The following LGSN variants were observed in gnomAD, a reference collection of about 807,000 sequenced individuals.
The protein encoded by LGSN is lengsin.
LGSN carries 21 observed loss-of-function variants against 19.5 expected under a neutral mutation model. That is an observed-to-expected ratio of 1.07 (90% CI 0.76 to 1.55). LGSN has a LOEUF of 1.55. Among genes scored for constraint, LGSN ranks in the 40% most tolerant of loss-of-function variants. LGSN has a pLI of 0.00. For missense variants in LGSN, 673 were observed against 608.5 expected (o/e 1.11, Z -1.12); for synonymous variants, 257 against 215.6 (o/e 1.19, Z -1.68).
At chr6:63,406,061 C>G in the LGSN span, among the ~76,000 whole-genome samples, 1 of 152,130 alleles carries the variant, frequency 6.6e-6, no homozygotes, top group Non-Finnish European at 1.5e-5. Flanking sequence ...GACTTAGACT[C>G]CCACACAATA....
chr6:63,536,161 G>A, the LGSN span, among the ~76,000 whole-genome samples: 6 of 152,144 alleles, frequency 3.9e-5, no homozygotes, highest in African/African-American at 7.2e-5. Flanking sequence ...ATGAAACCAC[G>A]TCTCTACCAA....
chr6:63,552,022 T>G, the LGSN span, among the ~76,000 whole-genome samples: 2 of 152,354 alleles, frequency 1.3e-5, no homozygotes, highest in Non-Finnish European at 2.9e-5. Context: ...TGTGTCTTTA[T>G]AGCAGCATGA....
chr6:63,468,210 A>C, the LGSN span, among the ~76,000 whole-genome samples: 1 of 151,962 alleles, frequency 6.6e-6, no homozygotes, highest in South Asian at 2.1e-4. Flanking sequence ...GGCTTACTGC[A>C]ACCTCCCTCC....
chr6:63,299,311 G>A (rs1320877724), intron 1 of LGSN, among the ~76,000 whole-genome samples: 1 of 152,154 alleles, frequency 6.6e-6, no homozygotes, highest in Non-Finnish European at 1.5e-5. Context: ...AGAGAGGAAA[G>A]ACTAAGTTAC....
In LGSN at chr6:63,280,827, C is replaced by G; in HGVS notation, c.724G>C (p.Glu242Gln). 1 of 1,614,032 alleles carries G rather than the reference C, an allele frequency of 6.2e-7. No individual in the cohort carries two copies. ...LNNHDQPFMQ[E>Q]LVDGLYHTGA... The stretch of plus-strand genomic sequence containing the variant: ...GTGTGATACAAGCCATCAACAAGTT[C>G]CTGCATGAAGGGCTGATCATGGTTA... The change falls in exon 4 of 4, where the codon GAA becomes CAA. Residue 242 changes from glutamate (E) to glutamine (Q), a missense_variant. By Grantham distance (29) the Glu-to-Gln change is conservative. Coordinates refer to ENST00000370657, the MANE Select transcript of LGSN (RefSeq NM_016571.3).
intron 1 of LGSN, among the ~76,000 whole-genome samples, chr6:63,306,142 C>CA (rs1190793575): frequency 6.6e-6 from 1 of 152,068 alleles, no homozygotes; most frequent in Admixed American, 6.5e-5. Flanking sequence ...CATATCCAGA[C>CA]AATATTTTAT....
At chr6:63,426,699 G>C in the LGSN span, among the ~76,000 whole-genome samples, 5 of 152,058 alleles carry the variant, frequency 3.3e-5, no homozygotes, top group African/African-American at 9.7e-5. Context: ...TATTTCAGTA[G>C]AGACAGGATT....
the LGSN span, among the ~76,000 whole-genome samples, chr6:63,490,228 A>G: frequency 2.0e-5 from 3 of 152,222 alleles, no homozygotes; most frequent in South Asian, 2.1e-4. Flanking sequence ...TGACAATTGT[A>G]TCTCTTCCTG....
At chr6:63,411,809 T>C in the LGSN span, among the ~76,000 whole-genome samples, 7 of 152,192 alleles carry the variant, frequency 4.6e-5, no homozygotes, top group Admixed American at 2.6e-4. Flanking sequence ...ATGGTCCCCC[T>C]GCACTCCAGC....
chr6:63,292,630 T>C (rs1299195553), intron 2 of LGSN, among the ~76,000 whole-genome samples: 1 of 152,184 alleles, frequency 6.6e-6, no homozygotes, highest in East Asian at 1.9e-4. Flanking sequence ...ACACCAAGAC[T>C]CAAGTGAGCT....
At chr6:63,369,281 G>A in the LGSN span, among the ~76,000 whole-genome samples, 5 of 152,260 alleles carry the variant, frequency 3.3e-5, no homozygotes, top group South Asian at 2.1e-4. Context: ...AAATATACCA[G>A]GAGAAATATT....
the LGSN span, among the ~76,000 whole-genome samples, chr6:63,421,599 G>A: frequency 8.6e-5 from 13 of 151,632 alleles, no homozygotes; most frequent in African/African-American, 2.7e-4. Flanking sequence ...GTGGTGGCAC[G>A]TGCCTGTAGT....
the LGSN span, among the ~76,000 whole-genome samples, chr6:63,432,179 G>GAAAGGGAAAGAAAGAAAAGA: frequency 3.1e-4 from 35 of 113,648 alleles, 4 homozygotes; most frequent in East Asian, 1.8e-3. Context: ...GAAAAGGAAA[G>GAAAGGGAAAGAAAGAAAAGA]AAAGAAAAGA....
At chr6:63,452,054 CTT>C in the LGSN span, among the ~76,000 whole-genome samples, 179 of 131,728 alleles carry the variant, frequency 1.4e-3, 1 homozygote, top group Middle Eastern at 0.016. Context: ...GTTTTCTTGT[CTT>C]TTTTTTTTTT....
chr6:63,440,135 T>C, the LGSN span, among the ~76,000 whole-genome samples: 1 of 152,222 alleles, frequency 6.6e-6, no homozygotes, highest in Non-Finnish European at 1.5e-5. Context: ...TATGTCAGTA[T>C]TGATAGGGAC....
chr6:63,314,201 C>T (rs1768754634), intron 1 of LGSN, among the ~76,000 whole-genome samples: 1 of 152,066 alleles, frequency 6.6e-6, no homozygotes. Context: ...GTGATTAGGT[C>T]ATGAGGCTAC....
chr6:63,493,716 G>A, the LGSN span, among the ~76,000 whole-genome samples: 2 of 151,968 alleles, frequency 1.3e-5, no homozygotes, highest in African/African-American at 4.8e-5. Flanking sequence ...GCCAAATCAT[G>A]AGCCTATTTG....
the LGSN span, among the ~76,000 whole-genome samples, chr6:63,403,869 A>G: frequency 2.6e-5 from 4 of 152,126 alleles, no homozygotes; most frequent in Non-Finnish European, 2.9e-5. Flanking sequence ...CTTCTAAACA[A>G]TGGAATGTGG....
chr6:63,353,273 C>T, the LGSN span, among the ~76,000 whole-genome samples: 1 of 152,130 alleles, frequency 6.6e-6, no homozygotes, highest in Admixed American at 6.5e-5. Flanking sequence ...TTGCAGATTT[C>T]TGTTGCAGAC....
Sources: gnomAD v4.1 joint callset for allele counts (sites outside exome capture counted in the v4.1 genomes callset) on GRCh38, gnomAD v4.1.1 for gene constraint, MANE v1.5 for transcripts, NCBI Gene and HGNC (gene_info 2026-07-23, HGNC 2026-07-21) for gene names.